The following NEMP2 variants were observed in gnomAD, a reference collection of about 807,000 sequenced individuals.
NEMP2 encodes UPF0571 transmembrane protein.
A neutral mutation model predicts 54.2 loss-of-function variants in NEMP2; 53 were observed. The ratio of observed to expected loss-of-function variants is 0.98; its 90% CI spans 0.78 to 1.23. The LOEUF (loss-of-function observed/expected upper bound fraction) is 1.23. NEMP2 is among the 50% of genes most tolerant of loss of function. The probability of loss-of-function intolerance (pLI) is 0.00; values close to 1 mark genes in which losing one functional copy is unlikely to be tolerated. For synonymous variants in NEMP2, 197 were observed against 190.3 expected, an observed-to-expected ratio of 1.04 and a Z score of -0.29; for missense variants, 455 against 511.3, an observed-to-expected ratio of 0.89 and a Z score of 1.06.
chr2:190,453,037 T>C, the NEMP2 span, among the ~76,000 whole-genome samples: 3 of 152,302 alleles, frequency 2.0e-5, no homozygotes, highest in East Asian at 5.8e-4. Flanking sequence ...GACATATTCC[T>C]GTGTCATGGA....
At chr2:190,558,043 G>C in the NEMP2 span, among the ~76,000 whole-genome samples, 1 of 152,072 alleles carries the variant, frequency 6.6e-6, no homozygotes, top group Non-Finnish European at 1.5e-5. This position sits in a 1 kb window ranked among gnomAD's most constrained non-coding sequence, Gnocchi z 4.4. Context: ...TTGCAGCACT[G>C]TTCACAATAG....
the NEMP2 span, among the ~76,000 whole-genome samples, chr2:190,541,465 C>A: frequency 6.6e-6 from 1 of 152,022 alleles, no homozygotes; most frequent in African/African-American, 2.4e-5. The surrounding 1 kb of genome is among the most constrained non-coding windows in gnomAD (Gnocchi z 5.2). Context: ...TCTTACATTT[C>A]TTTCTTAATT....
At chr2:190,489,081 CCAAA>C in the NEMP2 span, among the ~76,000 whole-genome samples, 1 of 152,136 alleles carries the variant, frequency 6.6e-6, no homozygotes, top group Non-Finnish European at 1.5e-5. The surrounding 1 kb of genome is among the most constrained non-coding windows in gnomAD (Gnocchi z 6.6). Flanking sequence ...CTCAAAGGAG[CCAAA>C]CAAATGAATT....
chr2:190,460,408 C>T, the NEMP2 span, among the ~76,000 whole-genome samples: 6 of 152,234 alleles, frequency 3.9e-5, no homozygotes, highest in East Asian at 3.9e-4. Context: ...CATACACTCG[C>T]GTATGCACAC....
chr2:190,539,413 G>A (rs966564089), upstream of NEMP2, among the ~76,000 whole-genome samples: 1 of 152,074 alleles, frequency 6.6e-6, no homozygotes, highest in Non-Finnish European at 1.5e-5. The surrounding 1 kb of genome is among the most constrained non-coding windows in gnomAD (Gnocchi z 4.1). Flanking sequence ...TTTCGCCCAG[G>A]ATTGCTCTGG....
chr2:190,436,719 A>G, the NEMP2 span: 1 of 1,614,248 alleles, frequency 6.2e-7, no homozygotes, highest in Non-Finnish European at 8.5e-7. This position sits in a 1 kb window ranked among gnomAD's most constrained non-coding sequence, Gnocchi z 5.3. Context: ...AGCCCCAGAC[A>G]GGTGAAATTA....
chr2:190,584,260 A>G, the NEMP2 span, among the ~76,000 whole-genome samples: 5 of 152,182 alleles, frequency 3.3e-5, no homozygotes, highest in African/African-American at 7.2e-5. This position sits in a 1 kb window ranked among gnomAD's most constrained non-coding sequence, Gnocchi z 4.2. Context: ...CACATTCACA[A>G]TAGGGAATAT....
the NEMP2 span, among the ~76,000 whole-genome samples, chr2:190,429,256 A>G: frequency 9.2e-5 from 14 of 151,510 alleles, no homozygotes; most frequent in African/African-American, 2.9e-4. Flanking sequence ...GTGTATACAT[A>G]TATCACCAAA....
the NEMP2 span, among the ~76,000 whole-genome samples, chr2:190,576,419 T>C: frequency 1.3e-5 from 2 of 152,152 alleles, no homozygotes; most frequent in Admixed American, 6.5e-5. Context: ...CAAGGTTTGT[T>C]GATGGAAGAG....
chr2:190,499,881 C>G (rs1232228892), downstream of NEMP2: 1 of 1,556,984 alleles, frequency 6.4e-7, no homozygotes, highest in South Asian at 1.2e-5. The surrounding 1 kb of genome is among the most constrained non-coding windows in gnomAD (Gnocchi z 6.0). Flanking sequence ...CCTTATTCCT[C>G]TATTACTTGG....
At chr2:190,477,413 T>C in the NEMP2 span, 12 of 933,698 alleles carry the variant, frequency 1.3e-5, no homozygotes, top group Non-Finnish European at 1.5e-5. Flanking sequence ...CTATATATTA[T>C]AATAATACAT....
chr2:190,558,581 T>G, the NEMP2 span, among the ~76,000 whole-genome samples: 1,040 of 152,352 alleles, frequency 6.8e-3, 17 homozygotes, highest in African/African-American at 0.024. This position sits in a 1 kb window ranked among gnomAD's most constrained non-coding sequence, Gnocchi z 4.4. Flanking sequence ...TTATAGCTGG[T>G]AATAATACAG....
the NEMP2 span, chr2:190,463,714 G>A: frequency 5.2e-6 from 1 of 192,804 alleles, no homozygotes; most frequent in South Asian, 1.8e-4. This position sits in a 1 kb window ranked among gnomAD's most constrained non-coding sequence, Gnocchi z 4.4. Flanking sequence ...CAGCTACTTG[G>A]GGGGCTGAGG....
In NEMP2 at chr2:190,509,134, C is replaced by T; in HGVS notation, c.*55G>A. 1 of 1,545,346 alleles carries T rather than the reference C, an allele frequency of 6.5e-7. No homozygotes were observed. The highest frequency in any genetic ancestry group is 2.5e-5 in the East Asian group (1 of 40,786). On this transcript the variant is annotated 3_prime_UTR_variant, in exon 9 of 9. Coordinates refer to ENST00000409150, the MANE Select transcript of NEMP2 (RefSeq NM_001142645.2). The surrounding 1 kb of genome is among the most constrained non-coding windows in gnomAD (Gnocchi z 6.1). ...CAGTTCTGCCTAACTTTAATAGAAT[C>T]CCTGCCCTTTGCCCACTTCCTTGTC...
At chr2:190,622,080 G>A in the NEMP2 span, among the ~76,000 whole-genome samples, 1 of 149,786 alleles carries the variant, frequency 6.7e-6, no homozygotes, top group African/African-American at 2.5e-5. Context: ...AGCCTGGGGA[G>A]TGAGACTCTG....
chr2:190,594,234 A>AC, the NEMP2 span, among the ~76,000 whole-genome samples: 1 of 152,070 alleles, frequency 6.6e-6, no homozygotes, highest in Non-Finnish European at 1.5e-5. This position sits in a 1 kb window ranked among gnomAD's most constrained non-coding sequence, Gnocchi z 5.6. Context: ...TCAGGCCTCA[A>AC]CCCCAAGGTA....
chr2:190,579,786 T>C, the NEMP2 span, among the ~76,000 whole-genome samples: 1 of 152,242 alleles, frequency 6.6e-6, no homozygotes, highest in Non-Finnish European at 1.5e-5. Flanking sequence ...GAAACTCTTA[T>C]CAGTCGTTCC....
At chr2:190,502,355 A>G (rs1363182708), downstream of NEMP2, 1 of 152,190 alleles carries the variant, frequency 6.6e-6, no homozygotes, top group East Asian at 1.9e-4. The surrounding 1 kb of genome is among the most constrained non-coding windows in gnomAD (Gnocchi z 4.4). Flanking sequence ...AGATCCCTCA[A>G]CACACACAGG....
Position 190,504,461 on chromosome 2 carries a change from A to G in NEMP2, c.*4728T>C, listed in dbSNP as rs1559151115. On this transcript the variant is annotated 3_prime_UTR_variant, in exon 9 of 9. Coordinates refer to ENST00000409150, the MANE Select transcript of NEMP2 (RefSeq NM_001142645.2). The surrounding 1 kb of genome is among the most constrained non-coding windows in gnomAD (Gnocchi z 5.6). ...CTGTACAGTAAGGCATTCAATTCCA[A>G]CATGCATTGTAAACATTAAGTGGTT... 6.6e-6 allele frequency: 1 copy of G among 152,080 alleles called. No individual in the cohort carries two copies. Among genetic ancestry groups the G allele is most frequent in the African/African-American group, 2.4e-5 (1 of 41,392 alleles). 9.4% of individuals were successfully genotyped at this position (152,080 alleles called of 1,614,324 possible).
Sources: gnomAD v4.1 joint callset for allele counts (sites outside exome capture counted in the v4.1 genomes callset) on GRCh38, gnomAD v4.1.1 for gene constraint, Gnocchi (gnomAD v3.1) non-coding constraint, MANE v1.5 for transcripts, NCBI Gene and HGNC (gene_info 2026-07-23, HGNC 2026-07-21) for gene names.